Variants in TENT2 observed in about 807,000 individuals in gnomAD.
The protein encoded by TENT2 is terminal nucleotidyltransferase 2.
A neutral mutation model predicts 72.2 loss-of-function variants in TENT2; 44 were observed. The observed-to-expected ratio is 0.61, with a 90% CI of 0.48 to 0.78. The LOEUF is 0.78. TENT2 is among the 30% of genes least tolerant of loss of function. The pLI is 0.00. For missense variants in TENT2, 541 were observed against 569.6 expected (o/e 0.95, Z 0.51); for synonymous variants, 212 against 192.5 (o/e 1.10, Z -0.84).
intron 10 of TENT2, among the ~76,000 whole-genome samples, chr5:79,651,775 G>T (rs1214043454): frequency 1.3e-5 from 2 of 151,970 alleles, no homozygotes; most frequent in Non-Finnish European, 2.9e-5. Context: ...TGGAGATAGG[G>T]TGCCATTATT....
At position 79,685,366 on chromosome 5, in the gene TENT2, T is replaced by A; in HGVS notation, c.*93T>A. On this transcript the variant is annotated 3_prime_UTR_variant, in exon 15 of 15. Transcript: ENST00000453514. ...GTTTACCTCCATCATAGTTGCTTTT[T>A]TCATAGTTCTTGTTTTCATGTTTTA... 1.2e-6 allele frequency: 1 copy of A among 820,052 alleles called. No individual in the cohort carries two copies. Among genetic ancestry groups the A allele is most frequent in the South Asian group, 2.1e-5 (1 of 48,006 alleles). 50.8% of individuals were successfully genotyped at this position (820,052 alleles called of 1,614,324 possible).
chr5:79,640,770 A>G (rs958859912), intron 4 of TENT2, 81 bp from the exon 5 acceptor site: 6 of 756,510 alleles, frequency 7.9e-6, no homozygotes, highest in Non-Finnish European at 1.3e-5. Context: ...GTGTCAGTAT[A>G]ATTGATTTAT....
intron 1 of TENT2, among the ~76,000 whole-genome samples, chr5:79,614,298 TCACC>T (rs1757747758): frequency 6.6e-6 from 1 of 151,990 alleles, no homozygotes; most frequent in African/African-American, 2.4e-5. Context: ...AGGCAGGGTT[TCACC>T]ATGTTGGCCA....
chr5:79,650,830 A>G (rs976967563), intron 10 of TENT2, among the ~76,000 whole-genome samples: 4 of 152,020 alleles, frequency 2.6e-5, no homozygotes, highest in Non-Finnish European at 5.9e-5. Flanking sequence ...ATTTCTTTAT[A>G]GTGAGTCACT....
intron 14 of TENT2, among the ~76,000 whole-genome samples, chr5:79,682,902 T>C (rs927383306): frequency 1.3e-5 from 2 of 152,206 alleles, no homozygotes; most frequent in Non-Finnish European, 1.5e-5. Context: ...TGCCTTGATA[T>C]ATGTATTGAG....
chr5:79,667,919 C>T (rs1809684674), intron 11 of TENT2, among the ~76,000 whole-genome samples: 1 of 148,270 alleles, frequency 6.7e-6, no homozygotes. Flanking sequence ...ATTCTGCTGC[C>T]TTAACTAATT....
In TENT2 at chr5:79,640,488, TTTTA is replaced by T. The variant is rs574112863; in HGVS notation, c.466-359_466-356del. ...CACTCACATATTGTTTGTTGCATAT[TTTTA>T]TTTGTTTGTTTTCATAATCCTTTAA... is the stretch of plus-strand genomic sequence containing the variant. On this transcript the variant is annotated intron_variant, in intron 4 of 14. Coordinates refer to ENST00000453514, the MANE Select transcript of TENT2 (RefSeq NM_001114394.3). 2.1e-4 allele frequency among the ~76,000 whole-genome samples: 32 copies of T among 152,322 alleles called. No homozygotes were observed. In the East Asian group the frequency reaches 2.5e-3, roughly 12 times the overall value.
intron 5 of TENT2, 26 bp from the exon 6 acceptor site, chr5:79,641,079 C>A (rs77993880): frequency 2.0e-6 from 3 of 1,537,512 alleles, no homozygotes; most frequent in Non-Finnish European, 2.6e-6. Context: ...TTTAAATACT[C>A]TTATTACTTT....
chr5:79,636,390 T>G (rs550233275), intron 4 of TENT2, among the ~76,000 whole-genome samples: 66 of 152,252 alleles, frequency 4.3e-4, no homozygotes, highest in Non-Finnish European at 8.8e-4. Flanking sequence ...GCAGTTATTT[T>G]ATTTGTAAAT....
intron 12 of TENT2, among the ~76,000 whole-genome samples, chr5:79,669,525 A>G (rs1320743073): frequency 6.6e-6 from 1 of 152,094 alleles, no homozygotes; most frequent in Non-Finnish European, 1.5e-5. Flanking sequence ...AACATAAAAC[A>G]AAGAATGTAT....
intron 11 of TENT2, among the ~76,000 whole-genome samples, chr5:79,662,575 A>G (rs1268105411): frequency 1.3e-5 from 2 of 152,168 alleles, no homozygotes; most frequent in Admixed American, 6.5e-5. Context: ...ATCTCTTTGT[A>G]CATCTCCATC....
intron 13 of TENT2, chr5:79,681,563 C>T (rs1223836983): frequency 6.5e-6 from 1 of 154,022 alleles, no homozygotes; most frequent in Admixed American, 6.5e-5. Flanking sequence ...GACAAATCAG[C>T]TTTTAAGTTA....
intron 1 of TENT2, among the ~76,000 whole-genome samples, chr5:79,615,783 G>A (rs1041418683): frequency 6.6e-6 from 1 of 151,338 alleles, no homozygotes; most frequent in Admixed American, 6.6e-5. Flanking sequence ...AGTCTCCTCG[G>A]CTCACTCCAA....
chr5:79,634,331 TTTTA>T (rs902040046), intron 4 of TENT2, among the ~76,000 whole-genome samples: 9 of 151,978 alleles, frequency 5.9e-5, no homozygotes, highest in Admixed American at 4.6e-4. Context: ...AAATATTTAT[TTTTA>T]TTTATTTATT....
chr5:79,641,433 A>G (rs1313521278), intron 6 of TENT2, among the ~76,000 whole-genome samples: 1 of 140,338 alleles, frequency 7.1e-6, no homozygotes. Context: ...TGGCTTCACT[A>G]TGTGTTTTTT....
intron 10 of TENT2, among the ~76,000 whole-genome samples, chr5:79,653,499 A>T (rs1795693144): frequency 6.6e-6 from 1 of 152,184 alleles, no homozygotes; most frequent in South Asian, 2.1e-4. Context: ...TTAACAAAAC[A>T]AAAAAATTAA....
At position 79,623,258 on chromosome 5, in the gene TENT2, A is replaced by C; in HGVS notation, c.234A>C (p.Leu78Phe). Residue 78 changes from leucine to phenylalanine, a missense_variant, in exon 4 of 15, where the codon TTA becomes TTC. Leu to Phe is a conservative substitution (Grantham distance 22). Transcript: ENST00000453514. ...ASPLFRGRKR[L>F]SDEKNLPLDG... Reference sequence around the variant, plus strand: ...GTATATTGCTTGTTTTCAGGAGATTAAGCGATGAAAAAAACCTTCCTCTTG... The same window carrying C: ...GTATATTGCTTGTTTTCAGGAGATTCAGCGATGAAAAAAACCTTCCTCTTG... The C allele has an allele frequency of 6.2e-7, 1 of 1,611,162 alleles. No homozygotes were observed. The highest frequency in any genetic ancestry group is 8.5e-7 in the Non-Finnish European group (1 of 1,178,590).
intron 6 of TENT2, among the ~76,000 whole-genome samples, chr5:79,641,599 T>G (rs150078622): frequency 8.5e-5 from 13 of 152,094 alleles, no homozygotes; most frequent in African/African-American, 3.1e-4. Context: ...TTACTTTTTT[T>G]CTCTTTGAAA....
intron 4 of TENT2, among the ~76,000 whole-genome samples, chr5:79,633,239 A>G (rs7711911): frequency 0.2 from 30,855 of 152,050 alleles, 4,626 homozygotes; most frequent in African/African-American, 0.42. Flanking sequence ...GATTAAGGCA[A>G]TGAGAGAGCC....
Sources: gnomAD v4.1 joint callset for allele counts (sites outside exome capture counted in the v4.1 genomes callset) on GRCh38, gnomAD v4.1.1 for gene constraint, MANE v1.5 for transcripts, NCBI Gene and HGNC (gene_info 2026-07-23, HGNC 2026-07-21) for gene names.